SVIL: variants seen among roughly 807,000 people sequenced by gnomAD.
SVIL encodes supervillin, also known as archvillin.
Under a neutral mutation model 240.4 loss-of-function variants are expected in SVIL, and 101 were observed. The ratio of observed to expected loss-of-function variants is 0.42; its 90% confidence interval spans 0.36 to 0.50. The LOEUF (loss-of-function observed/expected upper bound fraction) is 0.50, where lower values mean the gene tolerates loss of function less well. SVIL is among the 20% of genes least tolerant of loss of function. The pLI is 0.01. For synonymous variants in SVIL, 999 were observed against 1,100.0 expected, an observed-to-expected ratio of 0.91 and a Z score of 1.82; for missense variants, 2,512 against 2,818.7, an observed-to-expected ratio of 0.89 and a Z score of 2.46.
chr10:29,628,650 A>G (rs565258218), intron 1 of SVIL, among the ~76,000 whole-genome samples: 1 of 152,336 alleles, frequency 6.6e-6, no homozygotes, highest in East Asian at 1.9e-4. Flanking sequence ...TATTGATAGC[A>G]GATACAGAGG....
chr10:29,568,582 CT>C (rs1391723414), intron 2 of SVIL, among the ~76,000 whole-genome samples: 1 of 152,156 alleles, frequency 6.6e-6, no homozygotes, highest in Non-Finnish European at 1.5e-5. Flanking sequence ...TAAAAAGCAC[CT>C]GAGATACAGC....
intron 1 of SVIL, among the ~76,000 whole-genome samples, chr10:29,606,862 C>G (rs1250382757): frequency 6.6e-6 from 1 of 152,166 alleles, no homozygotes; most frequent in African/African-American, 2.4e-5. Context: ...TCAAGCAGTT[C>G]TCCTGCCTCA....
chr10:29,531,869 G>A (rs550394119), intron 9 of SVIL, 133 bp downstream of exon 9: 2 of 1,052,358 alleles, frequency 1.9e-6, no homozygotes, highest in East Asian at 2.4e-5. Flanking sequence ...AATAAATAAC[G>A]CTTATAGGTT....
intron 5 of SVIL, among the ~76,000 whole-genome samples, chr10:29,552,177 T>A (rs940575269): frequency 5.3e-5 from 8 of 152,066 alleles, no homozygotes; most frequent in African/African-American, 1.7e-4. Flanking sequence ...ATAACATTTT[T>A]ATATATTCCT....
intron 2 of SVIL, among the ~76,000 whole-genome samples, chr10:29,680,604 T>C (rs1487433985): frequency 1.3e-5 from 2 of 152,314 alleles, no homozygotes; most frequent in South Asian, 2.1e-4. Flanking sequence ...AGAAGGGTGA[T>C]GGAGTTTAGG....
intron 1 of SVIL, among the ~76,000 whole-genome samples, chr10:29,721,605 G>A (rs1281164267): frequency 1.3e-5 from 2 of 152,010 alleles, no homozygotes; most frequent in Non-Finnish European, 2.9e-5. Context: ...ATATCAGCTG[G>A]TCTAAAGAAG....
intron 29 of SVIL, among the ~76,000 whole-genome samples, chr10:29,479,263 T>C (rs933658339): frequency 1.3e-5 from 2 of 152,066 alleles, no homozygotes; most frequent in African/African-American, 4.8e-5. Flanking sequence ...AATAGCACAG[T>C]TGGGTTTGAA....
chr10:29,520,192 T>C (rs1950470320), intron 16 of SVIL, among the ~76,000 whole-genome samples: 1 of 152,218 alleles, frequency 6.6e-6, no homozygotes, highest in African/African-American at 2.4e-5. Context: ...GAAGGGGGCA[T>C]AATATTAGTA....
intron 1 of SVIL, among the ~76,000 whole-genome samples, chr10:29,709,361 T>A (rs1166810636): frequency 3.3e-5 from 5 of 152,172 alleles, no homozygotes; most frequent in Non-Finnish European, 5.9e-5. Context: ...AATGTTTGAA[T>A]TAGGGATGCT....
At chr10:29,691,320 T>C (rs1961487416) in intron 1 of SVIL, among the ~76,000 whole-genome samples, 1 of 151,784 alleles carries the variant, frequency 6.6e-6, no homozygotes, top group Admixed American at 6.6e-5. Flanking sequence ...CACGCCATTC[T>C]CCAGCCTCAG....
intron 1 of SVIL, among the ~76,000 whole-genome samples, chr10:29,723,165 T>C (rs1964089589): frequency 1.3e-5 from 2 of 152,344 alleles, no homozygotes; most frequent in South Asian, 4.1e-4. Flanking sequence ...AGCCCAGGAA[T>C]TTGAGACCAG....
chr10:29,705,466 C>G (rs1962821266), intron 1 of SVIL, among the ~76,000 whole-genome samples: 1 of 151,912 alleles, frequency 6.6e-6, no homozygotes, highest in African/African-American at 2.4e-5. Context: ...ATAGACTGTT[C>G]TTCCCACTTC....
rs373027844 is a variant in SVIL at position 29,532,054 on chromosome 10, C to T, written c.1957G>A (p.Glu653Lys). 5.8e-5 allele frequency: 94 copies of T among 1,614,170 alleles called. 1 individual carries two copies. Among genetic ancestry groups the T allele is most frequent in the Admixed American group, 5.5e-4 (33 of 60,028 alleles). ...GTTATAGGTTGGGTTCTAAATCTCTCGGAAGTTTTTCTACTTTCACCAGGA... is the reference window on the plus strand; with the variant it reads ...GTTATAGGTTGGGTTCTAAATCTCTTGGAAGTTTTTCTACTTTCACCAGGA... Reference protein sequence around the residue: ...FSPGESRKTSERFRTQPITSA... With the variant: ...FSPGESRKTSKRFRTQPITSA... Residue 653 changes from glutamate to lysine, a missense_variant, in exon 9 of 38, where the codon GAG becomes AAG. By Grantham distance (56) the Glu-to-Lys change is moderately conservative (BLOSUM62 1). Transcript: ENST00000355867.
intron 1 of SVIL, among the ~76,000 whole-genome samples, chr10:29,734,648 G>A (rs1017054875): frequency 6.6e-6 from 1 of 152,178 alleles, no homozygotes; most frequent in Non-Finnish European, 1.5e-5. Flanking sequence ...GGGGGTGGAG[G>A]CAGATAAGAC....
rs1462624888 is a variant in SVIL, at chr10:29,484,880, A to C, written c.4780-49T>G. ...TTTGTTAACTTCAAGAACATGCAAC[A>C]GTTGAATCAGGTGCAACAGGGTCTC... On this transcript the variant is annotated intron_variant, in intron 26 of 37. Coordinates refer to ENST00000355867, the MANE Select transcript of SVIL (RefSeq NM_021738.3). The surrounding 1 kb of genome is among the most constrained non-coding windows in gnomAD (Gnocchi z 4.7). The C allele has an allele frequency of 6.5e-7, 1 of 1,538,030 alleles. No individual in the cohort carries two copies. The highest frequency in any genetic ancestry group is 1.3e-5 in the South Asian group (1 of 79,938).
intron 27 of SVIL, among the ~76,000 whole-genome samples, chr10:29,482,206 T>G (rs1180019443): frequency 6.6e-6 from 1 of 152,044 alleles, no homozygotes; most frequent in Non-Finnish European, 1.5e-5. Context: ...TTTTTGTATT[T>G]TTTTAAATAT....
intron 17 of SVIL, among the ~76,000 whole-genome samples, chr10:29,510,708 C>T (rs1949768094): frequency 6.6e-6 from 1 of 151,548 alleles, no homozygotes; most frequent in Admixed American, 6.6e-5. Context: ...ACTGTCTGTC[C>T]TTCTCCAAGG....
chr10:29,588,311 C>G lies in SVIL; in HGVS notation c.-200-18999G>C, dbSNP rs530484011. Reference sequence around the variant, plus strand: ...CTAGTCAAATCTAGCACCGCTGAAACGTGTGCTGGTGGCAGAGACGCATCT... The same window carrying G: ...CTAGTCAAATCTAGCACCGCTGAAAGGTGTGCTGGTGGCAGAGACGCATCT... On this transcript the variant is annotated intron_variant, in intron 1 of 37. Coordinates refer to ENST00000355867, the MANE Select transcript of SVIL (RefSeq NM_021738.3). Among the ~76,000 whole-genome samples, 3 of 149,802 alleles carry G rather than the reference C, an allele frequency of 2.0e-5. No individual in the cohort carries two copies. In the South Asian group the frequency reaches 6.3e-4, roughly 31 times the overall value.
At chr10:29,489,893 C>T (rs1947787835) in intron 22 of SVIL, among the ~76,000 whole-genome samples, 1 of 152,138 alleles carries the variant, frequency 6.6e-6, no homozygotes, top group East Asian at 1.9e-4. Flanking sequence ...AAAGACTCAA[C>T]CACTTCATCT....
Sources: gnomAD v4.1 joint callset for allele counts (sites outside exome capture counted in the v4.1 genomes callset) on GRCh38, gnomAD v4.1.1 for gene constraint, Gnocchi (gnomAD v3.1) non-coding constraint, MANE v1.5 for transcripts, NCBI Gene and HGNC (gene_info 2026-07-23, HGNC 2026-07-21) for gene names.